The following SGPL1 variants were observed in gnomAD, a reference collection of about 807,000 sequenced individuals.
The protein encoded by SGPL1 is sphingosine-1-phosphate lyase 1.
Under a neutral mutation model 68.9 loss-of-function variants are expected in SGPL1, and 37 were observed. The ratio of observed to expected loss-of-function variants is 0.54; its 90% confidence interval spans 0.41 to 0.71. SGPL1 has a LOEUF of 0.71. Ranked by LOEUF, SGPL1 falls within the 30% of genes least tolerant of loss-of-function variation. The pLI, the probability that SGPL1 is intolerant of heterozygous loss-of-function variation, is 0.00. For missense variants in SGPL1, 551 were observed against 704.6 expected (o/e 0.78, Z 2.47); for synonymous variants, 236 against 248.5 (o/e 0.95, Z 0.47).
chr10:70,846,945 C>G (rs1174105124), intron 3 of SGPL1, among the ~76,000 whole-genome samples: 2 of 152,016 alleles, frequency 1.3e-5, no homozygotes, highest in Non-Finnish European at 2.9e-5. Context: ...GCTCACTATG[C>G]CATACATTTT....
In SGPL1 at chr10:70,876,590, C is replaced by G; in HGVS notation, c.1495C>G (p.Gln499Glu). Residue 499 changes from glutamine (Q) to glutamate (E), a missense_variant, in exon 14 of 15, where the codon CAA becomes GAA. Coordinates refer to ENST00000373202, the MANE Select transcript of SGPL1 (RefSeq NM_003901.4). ...ACACGCCCGGAAACGAGTAGCTATACAATTCCTAAAGGACATTCGAGAATC... is the reference window on the plus strand; with the variant it reads ...ACACGCCCGGAAACGAGTAGCTATAGAATTCCTAAAGGACATTCGAGAATC... ...LLHARKRVAI[Q>E]FLKDIRESVT... is the part of the protein sequence containing the mutation. 6.2e-7 allele frequency: 1 copy of G among 1,612,618 alleles called. No homozygotes were observed. Among genetic ancestry groups the G allele is most frequent in the Non-Finnish European group, 8.5e-7 (1 of 1,178,658 alleles).
At chr10:70,862,558 T>G (rs1412496821) in intron 7 of SGPL1, among the ~76,000 whole-genome samples, 3 of 152,112 alleles carry the variant, frequency 2.0e-5, no homozygotes, top group Non-Finnish European at 2.9e-5. Flanking sequence ...CAATAAATCT[T>G]GCTACTGCTC....
chr10:70,871,748 T>A, intron 10 of SGPL1, 89 bp from the exon 11 acceptor site: 1 of 1,286,608 alleles, frequency 7.8e-7, no homozygotes, highest in South Asian at 1.5e-5. Context: ...AGCCTTGTGT[T>A]TATAGCCCAT....
In SGPL1 at chr10:70,873,422, C is replaced by T. The variant is rs1174994554; in HGVS notation, c.1131C>T (p.Phe377=). ...SDKKYRNYQF[F]VDTDWQGGIY... is the part of the protein sequence containing the mutation. ...AGAAGTACAGGAACTATCAGTTCTT[C>T]GTCGATACAGATTGGCAGGGTGGCA... Residue 377 remains phenylalanine (F), a synonymous_variant, in exon 12 of 15, where the codon TTC becomes TTT. Transcript: ENST00000373202. The T allele has an allele frequency of 4.3e-6, 7 of 1,614,124 alleles. No individual in the cohort carries two copies. Among genetic ancestry groups the T allele is most frequent in the South Asian group, 3.3e-5 (3 of 91,088 alleles).
chr10:70,832,577 G>C (rs1338555708), intron 2 of SGPL1, among the ~76,000 whole-genome samples: 1 of 152,064 alleles, frequency 6.6e-6, no homozygotes, highest in African/African-American at 2.4e-5. Flanking sequence ...TGAGAAATAC[G>C]GGATCTTTTC....
chr10:70,865,930 T>C lies in SGPL1; in HGVS notation c.616-2415T>C, dbSNP rs144123447. 3.4e-3 allele frequency among the ~76,000 whole-genome samples: 520 copies of C among 152,348 alleles called. 2 individuals carry two copies. Among genetic ancestry groups the C allele is most frequent in the African/African-American group, 0.012 (492 of 41,584 alleles). The stretch of plus-strand genomic sequence containing the variant: ...CATATCATATGTTAAAGTGAGAGTT[T>C]TTATACATGTTGAAAGAAGTTGAAT... On this transcript the variant is annotated intron_variant, in intron 7 of 14. Transcript: ENST00000373202.
At chr10:70,841,639 A>T (rs827236) in intron 2 of SGPL1, among the ~76,000 whole-genome samples, 23,627 of 151,984 alleles carry the variant, frequency 0.16, 2,115 homozygotes, top group Non-Finnish European at 0.19. Context: ...TCTTCCTCCT[A>T]CCATCAGCTT....
intron 3 of SGPL1, among the ~76,000 whole-genome samples, chr10:70,847,112 G>A (rs1845803332): frequency 6.6e-6 from 1 of 152,012 alleles, no homozygotes; most frequent in African/African-American, 2.4e-5. Context: ...AATCCTTGTG[G>A]GCTGAACTCC....
chr10:70,831,245 G>A (rs544436895), intron 2 of SGPL1, among the ~76,000 whole-genome samples: 37 of 152,200 alleles, frequency 2.4e-4, no homozygotes, highest in African/African-American at 8.7e-4. Flanking sequence ...AATCAACACC[G>A]AAGACTTCCG....
At chr10:70,865,336 C>G (rs1429439430) in intron 7 of SGPL1, among the ~76,000 whole-genome samples, 1 of 128,482 alleles carries the variant, frequency 7.8e-6, no homozygotes, top group South Asian at 2.5e-4. Context: ...TTTTTTTTTT[C>G]TTCCCATCTT....
At chr10:70,824,967 T>C (rs1316331619) in intron 2 of SGPL1, among the ~76,000 whole-genome samples, 1 of 23,700 alleles carries the variant, frequency 4.2e-5, no homozygotes, top group East Asian at 1.5e-3. Context: ...TTGTTTTTTC[T>C]CTTTTTTTTT....
At chr10:70,838,463 A>G (rs1845663456) in intron 2 of SGPL1, among the ~76,000 whole-genome samples, 1 of 152,206 alleles carries the variant, frequency 6.6e-6, no homozygotes, top group African/African-American at 2.4e-5. Context: ...GCTGTGGTCT[A>G]CTGTCAGTTA....
At chr10:70,867,877 G>A (rs566304757) in intron 7 of SGPL1, among the ~76,000 whole-genome samples, 1 of 152,274 alleles carries the variant, frequency 6.6e-6, no homozygotes, top group South Asian at 2.1e-4. Flanking sequence ...TTTCAAACTT[G>A]TCAAAATCAG....
chr10:70,862,700 C>CTGTA (rs1399752022), intron 7 of SGPL1, among the ~76,000 whole-genome samples: 4 of 152,090 alleles, frequency 2.6e-5, no homozygotes, highest in African/African-American at 9.7e-5. Context: ...GCCTTAAGAG[C>CTGTA]TGTAACACTC....
intron 2 of SGPL1, among the ~76,000 whole-genome samples, chr10:70,844,076 C>A (rs1034532082): frequency 3.3e-5 from 5 of 152,068 alleles, no homozygotes; most frequent in South Asian, 2.1e-4. Context: ...TTGCTGACTA[C>A]TGGGGTAGAG....
At chr10:70,822,407 G>C (rs1378273841) in intron 2 of SGPL1, among the ~76,000 whole-genome samples, 1 of 152,110 alleles carries the variant, frequency 6.6e-6, no homozygotes, top group South Asian at 2.1e-4. Flanking sequence ...TATGTGTCAG[G>C]AATTTTTAGT....
At chr10:70,836,737 A>G (rs1683947) in intron 2 of SGPL1, among the ~76,000 whole-genome samples, 150,233 of 152,244 alleles carry the variant, frequency 0.99, 74,159 homozygotes, top group Middle Eastern at 1. Context: ...CACCATGCCT[A>G]CTGCTTTTTT....
chr10:70,826,663 A>C lies in SGPL1; in HGVS notation c.27+9783A>C, dbSNP rs973156687. Reference sequence around the variant, plus strand: ...ACAAATATTTCCTTTCTTCCCCTCTATGGATAACCCCATCCTGACTTTTAT... The same window carrying C: ...ACAAATATTTCCTTTCTTCCCCTCTCTGGATAACCCCATCCTGACTTTTAT... On this transcript the variant is annotated intron_variant, in intron 2 of 14. Coordinates refer to ENST00000373202, the MANE Select transcript of SGPL1 (RefSeq NM_003901.4). Among the ~76,000 whole-genome samples the C allele has an allele frequency of 3.3e-5, 5 of 152,334 alleles. No homozygotes were observed. The South Asian group carries it at 8.3e-4, about 25-fold the overall frequency.
intron 2 of SGPL1, among the ~76,000 whole-genome samples, chr10:70,834,667 GC>G (rs759954494): frequency 2.0e-5 from 3 of 152,186 alleles, no homozygotes; most frequent in Non-Finnish European, 4.4e-5. Context: ...CTTGTAGGAT[GC>G]CGTTAGGTCA....
Sources: allele counts gnomAD v4.1 joint callset (sites outside exome capture counted in the v4.1 genomes callset), GRCh38; gene constraint gnomAD v4.1.1; transcripts MANE v1.5; gene names NCBI Gene and HGNC (gene_info 2026-07-23, HGNC 2026-07-21).